The following SGK3 variants were observed in gnomAD, a reference collection of about 807,000 sequenced individuals.
SGK3 encodes the protein serum/glucocorticoid regulated kinase family member 3, also known as serine/threonine-protein kinase Sgk3.
SGK3 carries 47 observed loss-of-function variants against 68.5 expected under a neutral mutation model. The ratio of observed to expected loss-of-function variants is 0.69; its 90% CI spans 0.54 to 0.87. SGK3 has a LOEUF of 0.87. SGK3 is among the 40% of genes least tolerant of loss of function. The probability of loss-of-function intolerance (pLI) is 0.00; values close to 1 mark genes in which losing one functional copy is unlikely to be tolerated. For missense variants in SGK3, 479 were observed against 575.5 expected (o/e 0.83, Z 1.72); for synonymous variants, 181 against 189.1 (o/e 0.96, Z 0.35).
chr8:66,782,915 A>G (rs760672016), intron 1 of SGK3, among the ~76,000 whole-genome samples: 1 of 152,244 alleles, frequency 6.6e-6, no homozygotes, highest in Non-Finnish European at 1.5e-5. Context: ...AGTTTTGGCA[A>G]TTATGAATAA....
chr8:66,830,236 T>G (rs1226632491), intron 7 of SGK3, among the ~76,000 whole-genome samples: 1 of 152,190 alleles, frequency 6.6e-6, no homozygotes, highest in Non-Finnish European at 1.5e-5. Flanking sequence ...AGCTCGCCTA[T>G]TTACTGTTTG....
At chr8:66,849,977 T>C (rs1206070587) in intron 15 of SGK3, among the ~76,000 whole-genome samples, 3 of 152,222 alleles carry the variant, frequency 2.0e-5, no homozygotes, top group South Asian at 4.1e-4. Flanking sequence ...TAAATCCCCT[T>C]GATGGCTTCT....
At chr8:66,847,974 G>T (rs189585342) in intron 15 of SGK3, among the ~76,000 whole-genome samples, 1 of 151,246 alleles carries the variant, frequency 6.6e-6, no homozygotes. Context: ...TGTAGTTACC[G>T]GCATTATGTT....
In SGK3 at chr8:66,795,317, G is replaced by A. The variant is rs148552129; in HGVS notation, c.96+1485G>A. Among the ~76,000 whole-genome samples, 831 of 152,328 alleles carry A rather than the reference G, an allele frequency of 5.5e-3. 11 individuals carry two copies. Among genetic ancestry groups the A allele is most frequent in the African/African-American group, 0.018 (746 of 41,572 alleles). On this transcript the variant is annotated intron_variant, in intron 2 of 16. Transcript: ENST00000521198. ...CATCCCAGAGCAGAGAAATTGCAAT[G>A]TGCGTCTGACCATTGACCCCTTCTC...
chr8:66,826,960 A>T lies in SGK3; in HGVS notation c.418-1694A>T, dbSNP rs573310423. Among the ~76,000 whole-genome samples the T allele has an allele frequency of 2.0e-5, 3 of 152,226 alleles. No homozygotes were observed. The South Asian group carries it at 6.2e-4, about 32-fold the overall frequency. On this transcript the variant is annotated intron_variant, in intron 6 of 16. Coordinates refer to ENST00000521198, the MANE Select transcript of SGK3 (RefSeq NM_001033578.3). The stretch of plus-strand genomic sequence containing the variant: ...ACTCCCGTTCAGAAACTTCTTAAGA[A>T]CTTTTGAAGGATGAGATGATTTGCC...
In SGK3 at chr8:66,861,275, G is replaced by A. The variant is rs2130770486; in HGVS notation, c.*1694G>A. On this transcript the variant is annotated 3_prime_UTR_variant, in exon 17 of 17. Transcript: ENST00000521198. The stretch of plus-strand genomic sequence containing the variant: ...AGCACAGGAAACAGACCTTAAAATT[G>A]TAACCTACCAACTAACTTACATGCT... The A allele has an allele frequency of 6.6e-6, 1 of 152,110 alleles. No homozygotes were observed. Among genetic ancestry groups the A allele is most frequent in the Admixed American group, 6.5e-5 (1 of 15,268 alleles). The allele number at this position is 152,110 out of a possible 1,614,324, so 9.4% of individuals were successfully genotyped here. A position where few individuals can be genotyped will look rare whatever the true frequency, so the allele number is the denominator to read the frequency against.
intron 1 of SGK3, among the ~76,000 whole-genome samples, chr8:66,772,779 T>C (rs1005400370): frequency 4.0e-5 from 6 of 150,962 alleles, no homozygotes; most frequent in Admixed American, 4.0e-4. Flanking sequence ...ACCTGGCTAA[T>C]TTTTTTAATT....
At position 66,831,325 on chromosome 8, in the gene SGK3, G is replaced by A. The variant is rs1002931654; in HGVS notation, c.525+14G>A. On this transcript the variant is annotated intron_variant, in intron 8 of 16. Coordinates refer to ENST00000521198, the MANE Select transcript of SGK3 (RefSeq NM_001033578.3). ...AGCTTTGGCAAGGTAAGAGTGTTTT[G>A]TGAGGTTTTTATTTGGTTTTGGTTT... 1 of 1,611,710 alleles carries A rather than the reference G, an allele frequency of 6.2e-7. No homozygotes were observed. Among genetic ancestry groups the A allele is most frequent in the African/African-American group, 1.3e-5 (1 of 74,812 alleles).
intron 1 of SGK3, among the ~76,000 whole-genome samples, chr8:66,749,559 C>T (rs140379890): frequency 2.6e-5 from 4 of 152,178 alleles, no homozygotes; most frequent in African/African-American, 9.6e-5. Context: ...AGACCAGTTG[C>T]TTAATTTCTG....
chr8:66,787,335 T>C (rs573116013), intron 1 of SGK3, among the ~76,000 whole-genome samples: 15 of 152,368 alleles, frequency 9.8e-5, no homozygotes, highest in African/African-American at 2.4e-4. Context: ...CAAATTGTTA[T>C]ACTTTAGATC....
At chr8:66,734,960 A>AAAT (rs60264397) in intron 1 of SGK3, among the ~76,000 whole-genome samples, 119 of 151,750 alleles carry the variant, frequency 7.8e-4, no homozygotes, top group Middle Eastern at 6.8e-3. Context: ...AAAAAAAAAA[A>AAAT]GTAGATATGT....
intron 1 of SGK3, among the ~76,000 whole-genome samples, chr8:66,745,222 C>T (rs1206334803): frequency 6.6e-6 from 1 of 151,892 alleles, no homozygotes; most frequent in Non-Finnish European, 1.5e-5. Flanking sequence ...TAGAGGTTTT[C>T]CTCAAGTGCC....
chr8:66,834,857 G>A (rs1287156408), intron 8 of SGK3, among the ~76,000 whole-genome samples: 1 of 149,580 alleles, frequency 6.7e-6, no homozygotes, highest in Admixed American at 6.7e-5. Flanking sequence ...GGAGAATGGT[G>A]TGAACCCGGG....
At chr8:66,748,935 C>A (rs1805726178) in intron 1 of SGK3, among the ~76,000 whole-genome samples, 1 of 151,904 alleles carries the variant, frequency 6.6e-6, no homozygotes, top group Non-Finnish European at 1.5e-5. Context: ...CTCTCTGTTG[C>A]CCAGGCTGGA....
At chr8:66,714,180 G>T (rs1339973532) in intron 1 of SGK3, among the ~76,000 whole-genome samples, 1 of 152,168 alleles carries the variant, frequency 6.6e-6, no homozygotes, top group African/African-American at 2.4e-5. Flanking sequence ...TTAGATATGA[G>T]GGTCAGATTG....
In SGK3 at chr8:66,822,401, A is replaced by G. The variant is rs1808878198; in HGVS notation, c.359A>G (p.Asp120Gly). Residue 120 changes from aspartate to glycine, a missense_variant, in exon 6 of 17, where the codon GAC (aspartate) becomes GGC (glycine). Asp to Gly is a moderately conservative substitution (Grantham distance 94, BLOSUM62 -1). Around this residue, in one of 3 missense-constraint regions of SGK3, gnomAD observed 298 missense variants for 329.4 expected, o/e 0.90. Transcript: ENST00000521198. The part of the protein sequence containing the change: ...HPDVRAFLQM[D>G]SPKHQSDPSE... The stretch of plus-strand genomic sequence containing the variant: ...GATGTCAGAGCATTCCTTCAAATGG[A>G]CAGTCCAAAACACCAGTCAGATCCA... 6.2e-7 allele frequency: 1 copy of G among 1,610,706 alleles called. No individual in the cohort carries two copies. The highest frequency in any genetic ancestry group is 8.5e-7 in the Non-Finnish European group (1 of 1,178,412).
intron 3 of SGK3, among the ~76,000 whole-genome samples, chr8:66,802,196 A>C (rs1008242377): frequency 2.0e-5 from 3 of 152,178 alleles, no homozygotes; most frequent in Non-Finnish European, 2.9e-5. Flanking sequence ...AAAAAATAGG[A>C]AAATAGTTAT....
At chr8:66,723,695 T>A (rs1804891803) in intron 1 of SGK3, among the ~76,000 whole-genome samples, 2 of 152,188 alleles carry the variant, frequency 1.3e-5, no homozygotes, top group African/African-American at 4.8e-5. Flanking sequence ...ACCCACATCC[T>A]TAGCCACCCA....
chr8:66,839,735 G>A (rs190643669), intron 10 of SGK3: 20 of 329,166 alleles, frequency 6.1e-5, no homozygotes, highest in South Asian at 3.3e-4. Flanking sequence ...GGAAGGGTGA[G>A]GACATTTTTG....
Sources: allele counts gnomAD v4.1 joint callset (sites outside exome capture counted in the v4.1 genomes callset), GRCh38; gene constraint gnomAD v4.1.1; regional missense constraint gnomAD v4.1.1; transcripts MANE v1.5; gene names NCBI Gene and HGNC (gene_info 2026-07-23, HGNC 2026-07-21).